The following QTGAL variants were observed in gnomAD, a reference collection of about 807,000 sequenced individuals.
QTGAL encodes queuosine-tRNA galactosyltransferase, also known as BGnT-like protein 1.
At chr17:82,957,078 C>T in the QTGAL span, 28 of 1,491,838 alleles carry the variant, frequency 1.9e-5, no homozygotes, top group Middle Eastern at 1.9e-4. Context: ...GGAGCCAGCA[C>T]GGCCCAGGTG....
At chr17:83,047,621 TTTAAGTCTATAATAAATC>T in the QTGAL span, among the ~76,000 whole-genome samples, 22 of 124,036 alleles carry the variant, frequency 1.8e-4, no homozygotes, top group South Asian at 5.5e-4. Context: ...GAACAAGAAA[TTTAAGTCTATAATAAATC>T]CCTACCAAAG....
chr17:82,965,723 C>T, the QTGAL span: 77 of 1,612,394 alleles, frequency 4.8e-5, no homozygotes, highest in Admixed American at 1.5e-4. Flanking sequence ...GCATGATCAC[C>T]GTGGGGCCAT....
chr17:83,000,787 A>G, the QTGAL span, among the ~76,000 whole-genome samples: 1 of 152,230 alleles, frequency 6.6e-6, no homozygotes, highest in Non-Finnish European at 1.5e-5. Flanking sequence ...ACACTGTTCG[A>G]GGGTCACCAC....
At chr17:83,033,747 A>G in the QTGAL span, among the ~76,000 whole-genome samples, 1 of 152,198 alleles carries the variant, frequency 6.6e-6, no homozygotes, top group Non-Finnish European at 1.5e-5. Flanking sequence ...CTGGGATTAC[A>G]GGCGTGAGCC....
the QTGAL span, chr17:82,965,786 C>T: frequency 3.9e-6 from 6 of 1,549,246 alleles, no homozygotes; most frequent in African/African-American, 6.8e-5. Flanking sequence ...CGGAAAAGAA[C>T]AGCTTGTCAC....
At chr17:82,977,058 C>T in the QTGAL span, among the ~76,000 whole-genome samples, 1 of 152,256 alleles carries the variant, frequency 6.6e-6, no homozygotes, top group Non-Finnish European at 1.5e-5. Flanking sequence ...CCTGCTGACC[C>T]GCAGTGCCCA....
At chr17:82,974,641 G>A in the QTGAL span, among the ~76,000 whole-genome samples, 4 of 152,172 alleles carry the variant, frequency 2.6e-5, no homozygotes, top group Non-Finnish European at 5.9e-5. Context: ...GATCCACCCA[G>A]GGTCTAATCA....
the QTGAL span, among the ~76,000 whole-genome samples, chr17:83,018,481 A>G: frequency 6.6e-6 from 1 of 152,066 alleles, no homozygotes; most frequent in Non-Finnish European, 1.5e-5. Flanking sequence ...TATTTATCAC[A>G]CTCTTCTATG....
chr17:83,036,829 G>T, the QTGAL span, among the ~76,000 whole-genome samples: 1 of 152,152 alleles, frequency 6.6e-6, no homozygotes, highest in South Asian at 2.1e-4. Context: ...GGAACTGCAT[G>T]TTGGGCTAAG....
the QTGAL span, among the ~76,000 whole-genome samples, chr17:83,017,501 T>C: frequency 6.6e-6 from 1 of 151,600 alleles, no homozygotes; most frequent in Non-Finnish European, 1.5e-5. Flanking sequence ...TGCACGCCTG[T>C]AGTCCCAGCT....
the QTGAL span, among the ~76,000 whole-genome samples, chr17:83,024,648 G>A: frequency 2.6e-5 from 4 of 152,260 alleles, no homozygotes; most frequent in South Asian, 6.2e-4. Flanking sequence ...GTGAATCCAC[G>A]CGTGTTAACA....
the QTGAL span, among the ~76,000 whole-genome samples, chr17:82,993,344 T>C: frequency 6.6e-6 from 1 of 151,936 alleles, no homozygotes; most frequent in Middle Eastern, 3.2e-3. Context: ...CTATCTCAGA[T>C]GAAATAGATT....
At chr17:83,018,374 G>C in the QTGAL span, among the ~76,000 whole-genome samples, 6 of 152,190 alleles carry the variant, frequency 3.9e-5, no homozygotes, top group Non-Finnish European at 8.8e-5. Flanking sequence ...CATGTACAAC[G>C]ATCCCTAAAA....
chr17:83,047,462 A>C, the QTGAL span, among the ~76,000 whole-genome samples: 58,645 of 94,084 alleles, frequency 0.62, 20,038 homozygotes, highest in East Asian at 0.81. Context: ...TATCAAAGAA[A>C]AAGAAATTTA....
At chr17:83,006,063 G>A in the QTGAL span, 2 of 1,007,166 alleles carry the variant, frequency 2.0e-6, no homozygotes, top group Non-Finnish European at 2.4e-6. The surrounding 1 kb of genome is among the most constrained non-coding windows in gnomAD (Gnocchi z 5.8). Flanking sequence ...GAGGGCCCAG[G>A]GCCAGCAGAG....
At chr17:82,954,318 GC>G in the QTGAL span, among the ~76,000 whole-genome samples, 1 of 152,072 alleles carries the variant, frequency 6.6e-6, no homozygotes, top group Admixed American at 6.6e-5. Context: ...AAATCGATGT[GC>G]AAAAATCACG....
chr17:83,005,134 G>T, the QTGAL span: 2 of 1,608,494 alleles, frequency 1.2e-6, no homozygotes, highest in Admixed American at 1.7e-5. This position sits in a 1 kb window ranked among gnomAD's most constrained non-coding sequence, Gnocchi z 5.6. Context: ...GAGCTGCTCC[G>T]GCGTCAGCTG....
chr17:82,984,500 C>T, the QTGAL span, among the ~76,000 whole-genome samples: 3 of 133,734 alleles, frequency 2.2e-5, no homozygotes, highest in African/African-American at 9.4e-5. Flanking sequence ...CACAGGAGGA[C>T]GCAGGGAGAG....
At chr17:82,992,168 T>G in the QTGAL span, among the ~76,000 whole-genome samples, 1 of 152,016 alleles carries the variant, frequency 6.6e-6, no homozygotes, top group African/African-American at 2.4e-5. Flanking sequence ...TTCCCAAACC[T>G]AGAGAAAGCT....
Sources: gnomAD v4.1 joint callset for allele counts (sites outside exome capture counted in the v4.1 genomes callset) on GRCh38, gnomAD v4.1.1 for gene constraint, Gnocchi (gnomAD v3.1) non-coding constraint, MANE v1.5 for transcripts, NCBI Gene and HGNC (gene_info 2026-07-23, HGNC 2026-07-21) for gene names.